Variants in MACROD2 observed in about 807,000 individuals in gnomAD.
MACROD2 encodes the protein mono-ADP ribosylhydrolase 2, also known as ADP-ribose glycohydrolase MACROD2.
Under a neutral mutation model 70.4 loss-of-function variants are expected in MACROD2, and 36 were observed. The observed-to-expected ratio is 0.51, with a 90% CI of 0.39 to 0.68. MACROD2 has a LOEUF of 0.68. Among genes scored for constraint, MACROD2 ranks in the 30% least tolerant of loss-of-function variants. The probability of loss-of-function intolerance (pLI) is 0.00; values close to 1 mark genes in which losing one functional copy is unlikely to be tolerated. For synonymous variants in MACROD2, 172 were observed against 178.8 expected, an observed-to-expected ratio of 0.96 and a Z score of 0.30; for missense variants, 496 against 538.4, an observed-to-expected ratio of 0.92 and a Z score of 0.78.
intron 6 of MACROD2, among the ~76,000 whole-genome samples, chr20:15,307,870 G>A (rs550543368): frequency 1.3e-5 from 2 of 152,148 alleles, no homozygotes; most frequent in East Asian, 3.9e-4. Context: ...TTGTGACTTT[G>A]ACATTTTTGA....
At chr20:15,260,142 C>T (rs1247106354) in intron 6 of MACROD2, among the ~76,000 whole-genome samples, 3 of 151,722 alleles carry the variant, frequency 2.0e-5, no homozygotes, top group Non-Finnish European at 4.4e-5. Context: ...TAGGAACATT[C>T]CAATGGCACT....
intron 8 of MACROD2, among the ~76,000 whole-genome samples, chr20:15,648,167 T>C (rs2049582594): frequency 6.6e-6 from 1 of 152,222 alleles, no homozygotes; most frequent in Non-Finnish European, 1.5e-5. Context: ...CCAGGGAATT[T>C]AATGTTGATG....
chr20:14,537,914 C>G (rs2123224697), intron 4 of MACROD2, among the ~76,000 whole-genome samples: 1 of 152,242 alleles, frequency 6.6e-6, no homozygotes, highest in African/African-American at 2.4e-5. Context: ...CGATGCAGCT[C>G]CTTACTAGAT....
intron 9 of MACROD2, among the ~76,000 whole-genome samples, chr20:15,877,889 T>C (rs2064698086): frequency 6.6e-6 from 1 of 152,106 alleles, no homozygotes; most frequent in Admixed American, 6.6e-5. Flanking sequence ...TTGACAGACC[T>C]GCCCATATGT....
intron 3 of MACROD2, among the ~76,000 whole-genome samples, chr20:14,141,818 A>G (rs911610979): frequency 6.6e-6 from 1 of 151,656 alleles, no homozygotes; most frequent in African/African-American, 2.4e-5. Context: ...AGGAGGGCAC[A>G]TAGCAAGCAC....
chr20:15,786,704 C>T (rs1311118551), intron 8 of MACROD2, among the ~76,000 whole-genome samples: 2 of 151,964 alleles, frequency 1.3e-5, no homozygotes, highest in South Asian at 2.1e-4. Context: ...GTTCAGCCAA[C>T]CAAGAGATCT....
chr20:14,389,182 C>A (rs1367037845), intron 3 of MACROD2, among the ~76,000 whole-genome samples: 2 of 151,740 alleles, frequency 1.3e-5, no homozygotes, highest in African/African-American at 4.8e-5. Flanking sequence ...GGCTGGCCAT[C>A]GGCCAATTAT....
At chr20:15,534,998 C>T (rs572783422) in intron 8 of MACROD2, among the ~76,000 whole-genome samples, 3 of 151,876 alleles carry the variant, frequency 2.0e-5, no homozygotes, top group South Asian at 2.1e-4. Flanking sequence ...TTTTTTGAGA[C>T]GGGCTCTCAC....
At chr20:14,255,503 G>A (rs2082047088) in intron 3 of MACROD2, among the ~76,000 whole-genome samples, 1 of 151,566 alleles carries the variant, frequency 6.6e-6, no homozygotes. Flanking sequence ...CATGGACACA[G>A]GAAGGGGAAC....
chr20:14,780,300 C>T (rs938170710), intron 5 of MACROD2, among the ~76,000 whole-genome samples: 2 of 152,094 alleles, frequency 1.3e-5, no homozygotes. Flanking sequence ...CAGTGGCTCA[C>T]ACCTGTAATC....
At chr20:15,797,141 T>C (rs960732884) in intron 8 of MACROD2, among the ~76,000 whole-genome samples, 3 of 152,158 alleles carry the variant, frequency 2.0e-5, no homozygotes, top group East Asian at 1.9e-4. Context: ...TGAGATGGAG[T>C]CTCGCTCTGT....
rs143125568 is a variant in MACROD2, at chr20:15,780,021, A to G, written c.646-82724A>G. On this transcript the variant is annotated intron_variant, in intron 8 of 17. Coordinates refer to ENST00000684519, the MANE Select transcript of MACROD2 (RefSeq NM_001351661.2). ...AGAGGAGTTGCTCCATTACAAAATT[A>G]CCTCTTTGTAAATCATATTATTAAA... 1.1e-3 allele frequency among the ~76,000 whole-genome samples: 162 copies of G among 151,406 alleles called. 1 individual carries two copies. The highest frequency in any genetic ancestry group is 3.6e-3 in the African/African-American group (148 of 41,018).
At chr20:15,425,633 A>T (rs764769882) in intron 6 of MACROD2, among the ~76,000 whole-genome samples, 2 of 152,220 alleles carry the variant, frequency 1.3e-5, no homozygotes, top group Admixed American at 1.3e-4. Flanking sequence ...ATTTACACCA[A>T]CAGGTCAATG....
chr20:15,566,713 AAGAAAAC>A (rs748957221), intron 8 of MACROD2, among the ~76,000 whole-genome samples: 39 of 152,206 alleles, frequency 2.6e-4, no homozygotes, highest in Non-Finnish European at 4.7e-4. Flanking sequence ...TGCTTAGGCC[AAGAAAAC>A]ATCCTTCAGT....
At chr20:15,262,613 A>G (rs1256419026) in intron 6 of MACROD2, among the ~76,000 whole-genome samples, 2 of 151,982 alleles carry the variant, frequency 1.3e-5, no homozygotes, top group African/African-American at 2.4e-5. Context: ...GTTTTCTGAG[A>G]AACCTCCAAA....
At chr20:14,890,960 T>TTCCTTCCG (rs1292537275) in intron 5 of MACROD2, among the ~76,000 whole-genome samples, 208 of 124,944 alleles carry the variant, frequency 1.7e-3, no homozygotes, top group African/African-American at 7.1e-3. Context: ...TTTTCCTTCC[T>TTCCTTCCG]TCCTTCCTTC....
At chr20:15,795,410 C>T (rs1045403064) in intron 8 of MACROD2, among the ~76,000 whole-genome samples, 9 of 151,904 alleles carry the variant, frequency 5.9e-5, no homozygotes, top group South Asian at 2.1e-4. Flanking sequence ...AAAGAGAAGA[C>T]GACATTTGAT....
chr20:15,819,638 G>A (rs942608542), intron 8 of MACROD2, among the ~76,000 whole-genome samples: 1 of 151,506 alleles, frequency 6.6e-6, no homozygotes, highest in Non-Finnish European at 1.5e-5. Context: ...GGGCATGAAG[G>A]ACATTTATGT....
At chr20:14,266,536 A>G (rs1457024492) in intron 3 of MACROD2, among the ~76,000 whole-genome samples, 1 of 152,206 alleles carries the variant, frequency 6.6e-6, no homozygotes, top group African/African-American at 2.4e-5. Context: ...GGGCATAGAC[A>G]TCTAGCAACA....
Sources: allele counts gnomAD v4.1 joint callset (sites outside exome capture counted in the v4.1 genomes callset), GRCh38; gene constraint gnomAD v4.1.1; transcripts MANE v1.5; gene names NCBI Gene and HGNC (gene_info 2026-07-23, HGNC 2026-07-21).